The following MCM9 variants were observed in gnomAD, a reference collection of about 807,000 sequenced individuals.
MCM9 encodes minichromosome maintenance 9 homologous recombination repair factor, also known as DNA helicase MCM9.
In MCM9, 55 loss-of-function variants were observed where a neutral mutation model predicts 72.8. The ratio of observed to expected loss-of-function variants is 0.76; its 90% CI spans 0.61 to 0.95. The LOEUF is 0.95. MCM9 is among the 40% of genes least tolerant of loss of function. MCM9 has a pLI of 0.00. For missense variants in MCM9, 1,279 were observed against 1,377.0 expected, an observed-to-expected ratio of 0.93 and a Z score of 1.13; for synonymous variants, 480 against 503.4, an observed-to-expected ratio of 0.95 and a Z score of 0.62.
intron 5 of MCM9, chr6:118,920,412 T>C (rs1229097717): frequency 6.6e-6 from 1 of 152,244 alleles, no homozygotes; most frequent in African/African-American, 2.4e-5. Flanking sequence ...GAGAAATAAA[T>C]ATTTGTTGTT....
chr6:118,817,664 T>C (rs886858576), intron 13 of MCM9, among the ~76,000 whole-genome samples: 11 of 152,316 alleles, frequency 7.2e-5, no homozygotes, highest in African/African-American at 2.4e-4. Flanking sequence ...AGTAATGGGA[T>C]TGCTGGTTCA....
chr6:118,820,566 T>C (rs1040107869), intron 13 of MCM9, among the ~76,000 whole-genome samples: 2 of 152,170 alleles, frequency 1.3e-5, no homozygotes, highest in Non-Finnish European at 2.9e-5. Flanking sequence ...TTAGAATAAG[T>C]GCTATGTGGT....
At chr6:118,886,950 G>A (rs1448065377) in intron 8 of MCM9, among the ~76,000 whole-genome samples, 1 of 152,060 alleles carries the variant, frequency 6.6e-6, no homozygotes, top group Non-Finnish European at 1.5e-5. Flanking sequence ...AAAAAACAGA[G>A]CAAGATCCTA....
At chr6:118,928,857 A>AG (rs1008084497) in intron 3 of MCM9, among the ~76,000 whole-genome samples, 2 of 151,450 alleles carry the variant, frequency 1.3e-5, no homozygotes, top group African/African-American at 4.8e-5. Flanking sequence ...CCTGTCTCAA[A>AG]AAAAAAAAAA....
intron 8 of MCM9, chr6:118,907,671 C>T (rs1780269712): frequency 1.5e-6 from 2 of 1,372,792 alleles, no homozygotes; most frequent in Admixed American, 1.8e-5. Context: ...GAACTATTTC[C>T]CTGAAATTCC....
At chr6:118,868,049 G>A (rs1777336141) in intron 8 of MCM9, among the ~76,000 whole-genome samples, 1 of 151,684 alleles carries the variant, frequency 6.6e-6, no homozygotes, top group Non-Finnish European at 1.5e-5. Context: ...GCTAATTTTT[G>A]TATTTTTAGT....
At chr6:118,854,508 A>G (rs920254797) in intron 9 of MCM9, among the ~76,000 whole-genome samples, 1 of 152,164 alleles carries the variant, frequency 6.6e-6, no homozygotes, top group African/African-American at 2.4e-5. Context: ...ATGTGCCACT[A>G]TGCCCAACTA....
chr6:118,859,640 T>C (rs953983470), intron 8 of MCM9, among the ~76,000 whole-genome samples: 4 of 152,186 alleles, frequency 2.6e-5, no homozygotes, highest in Non-Finnish European at 4.4e-5. Context: ...GACCCCATCA[T>C]AGGGAAACCC....
At chr6:118,877,627 G>C (rs563646658) in intron 8 of MCM9, among the ~76,000 whole-genome samples, 69 of 152,310 alleles carry the variant, frequency 4.5e-4, no homozygotes, top group African/African-American at 1.6e-3. Context: ...TTTTGGAAAA[G>C]AGTTTGGCAA....
intron 8 of MCM9, among the ~76,000 whole-genome samples, chr6:118,871,912 A>AAAAC (rs200792238): frequency 2.6e-5 from 4 of 152,228 alleles, no homozygotes; most frequent in Admixed American, 6.5e-5. Flanking sequence ...TCTCAAAAAC[A>AAAAC]AAACAAACAA....
At chr6:118,854,189 CCTTT>C (rs1281267329) in intron 9 of MCM9, among the ~76,000 whole-genome samples, 1 of 152,094 alleles carries the variant, frequency 6.6e-6, no homozygotes, top group Non-Finnish European at 1.5e-5. Context: ...TTGACTTCTT[CCTTT>C]CTATTCTGAA....
intron 8 of MCM9, among the ~76,000 whole-genome samples, chr6:118,880,044 A>C (rs532323504): frequency 6.6e-6 from 1 of 151,146 alleles, no homozygotes; most frequent in East Asian, 1.9e-4. Flanking sequence ...AAACAAACAA[A>C]CAACAACAAA....
chr6:118,922,212 G>A (rs12194515), intron 4 of MCM9, 126 bp from the exon 5 acceptor site: 8 of 622,716 alleles, frequency 1.3e-5, no homozygotes, highest in Non-Finnish European at 1.8e-5. Context: ...TTATAATGGG[G>A]ATTTAAGTAA....
chr6:118,880,301 AC>A (rs1778207144), intron 8 of MCM9, among the ~76,000 whole-genome samples: 1 of 152,202 alleles, frequency 6.6e-6, no homozygotes, highest in Non-Finnish European at 1.5e-5. Flanking sequence ...TTTACAAGGA[AC>A]TGTTGGAAAC....
chr6:118,825,855 G>T (rs1774133214), intron 13 of MCM9, among the ~76,000 whole-genome samples: 1 of 152,110 alleles, frequency 6.6e-6, no homozygotes, highest in South Asian at 2.1e-4. Context: ...ACACAATGTG[G>T]AGCAAAGACA....
chr6:118,872,193 C>T (rs879761809), intron 8 of MCM9, among the ~76,000 whole-genome samples: 1 of 151,868 alleles, frequency 6.6e-6, no homozygotes, highest in Non-Finnish European at 1.5e-5. Flanking sequence ...GTGGTGGGCG[C>T]CTGTAGTCCC....
At chr6:118,924,549 C>T (rs904912127) in intron 3 of MCM9, among the ~76,000 whole-genome samples, 15 of 151,964 alleles carry the variant, frequency 9.9e-5, no homozygotes, top group African/African-American at 3.4e-4. Flanking sequence ...CGCAGCAGAC[C>T]GATAAAGAGA....
chr6:118,819,049 A>G lies in MCM9; in HGVS notation c.1962-2755T>C, dbSNP rs534924945. ...GATGATGGGGTTTTCTAAATATACA[A>G]TCATGTCATCTGCAAACAGAGACAA... is the stretch of plus-strand genomic sequence containing the variant. On this transcript the variant is annotated intron_variant, in intron 13 of 13. Transcript: ENST00000619706. Among the ~76,000 whole-genome samples the G allele has an allele frequency of 9.9e-4, 151 of 152,288 alleles. 1 individual carries two copies. Among genetic ancestry groups the G allele is most frequent in the African/African-American group, 3.6e-3 (148 of 41,566 alleles).
At chr6:118,884,533 CAT>C (rs1778481918) in intron 8 of MCM9, among the ~76,000 whole-genome samples, 1 of 151,608 alleles carries the variant, frequency 6.6e-6, no homozygotes, top group Non-Finnish European at 1.5e-5. Context: ...CAACTTGAGA[CAT>C]ATAGAAGACA....
Sources: allele counts gnomAD v4.1 joint callset (sites outside exome capture counted in the v4.1 genomes callset), GRCh38; gene constraint gnomAD v4.1.1; transcripts MANE v1.5; gene names NCBI Gene and HGNC (gene_info 2026-07-23, HGNC 2026-07-21).